CSMD1: variants seen among roughly 807,000 people sequenced by gnomAD.
The protein encoded by CSMD1 is CUB and Sushi multiple domains 1.
Under a neutral mutation model 417.5 loss-of-function variants are expected in CSMD1, and 213 were observed. The observed-to-expected ratio is 0.51, with a 90% CI of 0.46 to 0.57. CSMD1 has a LOEUF of 0.57. Ranked by LOEUF, CSMD1 falls within the 20% of genes least tolerant of loss-of-function variation. The pLI, the probability that CSMD1 is intolerant of heterozygous loss-of-function variation, is 0.00. For missense variants in CSMD1, 6,923 were observed against 4,529.7 expected, an observed-to-expected ratio of 1.53 and a Z score of -15.17; for synonymous variants, 2,862 against 1,736.8, an observed-to-expected ratio of 1.65 and a Z score of -16.11.
chr8:3,638,886 G>C (rs974761209), intron 7 of CSMD1, among the ~76,000 whole-genome samples: 3 of 152,262 alleles, frequency 2.0e-5, no homozygotes, highest in African/African-American at 7.2e-5. Flanking sequence ...AAATGGGGTA[G>C]GGAAAAGTGA....
At chr8:2,950,198 G>C (rs1184109190) in intron 67 of CSMD1, 33 bp downstream of exon 67, 1 of 1,350,636 alleles carries the variant, frequency 7.4e-7, no homozygotes, top group African/African-American at 1.4e-5. Flanking sequence ...TAGAAAGCCT[G>C]TGCTTTGTCA....
intron 1 of CSMD1, among the ~76,000 whole-genome samples, chr8:4,803,992 G>A (rs1050905487): frequency 6.6e-6 from 1 of 152,206 alleles, no homozygotes; most frequent in Non-Finnish European, 1.5e-5. Flanking sequence ...GACGGCAGGA[G>A]CCACAACTCT....
intron 51 of CSMD1, among the ~76,000 whole-genome samples, chr8:3,026,755 C>T (rs890624364): frequency 3.3e-5 from 5 of 152,226 alleles, no homozygotes; most frequent in Non-Finnish European, 5.9e-5. Flanking sequence ...GCCCTTAGCA[C>T]GTGGTGACTA....
rs886780403 is a variant in CSMD1, at chr8:4,081,107, C to G, written c.416-49008G>C. ...CTTTGGAAGCAGAGAGATTGGACTGCTTCCAGACACCAAATCTGCTGAACT... is the reference window on the plus strand; with the variant it reads ...CTTTGGAAGCAGAGAGATTGGACTGGTTCCAGACACCAAATCTGCTGAACT... On this transcript the variant is annotated intron_variant, in intron 3 of 69. Transcript: ENST00000635120. Among the ~76,000 whole-genome samples the G allele has an allele frequency of 3.3e-5, 5 of 152,168 alleles. 1 individual carries two copies. The South Asian group carries it at 1.0e-3, about 32-fold the overall frequency.
intron 5 of CSMD1, among the ~76,000 whole-genome samples, chr8:3,807,749 G>C (rs1585028716): frequency 6.6e-6 from 1 of 152,016 alleles, no homozygotes; most frequent in Admixed American, 6.6e-5. Flanking sequence ...ATCATCTTTA[G>C]TCATCTATTT....
At chr8:3,564,458 T>G (rs1353352357) in intron 10 of CSMD1, among the ~76,000 whole-genome samples, 1 of 151,964 alleles carries the variant, frequency 6.6e-6, no homozygotes, top group East Asian at 1.9e-4. Flanking sequence ...TCTGTAACAC[T>G]TTACGTTGTA....
chr8:3,825,325 C>A (rs146523912), intron 5 of CSMD1, among the ~76,000 whole-genome samples: 16 of 152,186 alleles, frequency 1.1e-4, no homozygotes, highest in African/African-American at 3.4e-4. Context: ...ATGTCAGGAG[C>A]TCGAGACCAG....
chr8:4,363,978 G>C (rs915014278), intron 3 of CSMD1, among the ~76,000 whole-genome samples: 3 of 152,022 alleles, frequency 2.0e-5, no homozygotes, highest in Non-Finnish European at 4.4e-5. Context: ...CCTACTTTTT[G>C]CTAGCATAAC....
At chr8:4,787,505 T>C (rs1797467741) in intron 1 of CSMD1, 2 of 977,652 alleles carry the variant, frequency 2.0e-6, no homozygotes, top group South Asian at 1.4e-5. Context: ...CAGTTGTATT[T>C]TTCAGTTATT....
intron 4 of CSMD1, among the ~76,000 whole-genome samples, chr8:4,027,564 A>C (rs1047943834): frequency 1.3e-5 from 2 of 152,170 alleles, no homozygotes; most frequent in East Asian, 1.9e-4. Flanking sequence ...GCCTTCCATC[A>C]TAACTGCATG....
At chr8:4,719,711 G>C (rs1046098525) in intron 1 of CSMD1, among the ~76,000 whole-genome samples, 4 of 152,068 alleles carry the variant, frequency 2.6e-5, no homozygotes, top group East Asian at 1.9e-4. Flanking sequence ...TTCAGTAAAA[G>C]CTACCCAGTT....
At chr8:3,917,715 T>C (rs1449716936) in intron 5 of CSMD1, among the ~76,000 whole-genome samples, 1 of 152,118 alleles carries the variant, frequency 6.6e-6, no homozygotes, top group Non-Finnish European at 1.5e-5. Context: ...GATACGTATA[T>C]ATCCAAGAAA....
intron 2 of CSMD1, among the ~76,000 whole-genome samples, chr8:4,454,397 G>C (rs542809299): frequency 1.3e-5 from 2 of 152,030 alleles, no homozygotes; most frequent in African/African-American, 2.4e-5. Context: ...TTTGGCTCTG[G>C]TATACCTCTA....
intron 5 of CSMD1, among the ~76,000 whole-genome samples, chr8:3,974,616 A>C (rs1489720242): frequency 6.6e-6 from 1 of 152,068 alleles, no homozygotes; most frequent in African/African-American, 2.4e-5. Flanking sequence ...TTTACTAAAC[A>C]TTCAGTAATT....
intron 5 of CSMD1, among the ~76,000 whole-genome samples, chr8:3,881,584 G>A (rs1301257527): frequency 6.8e-6 from 1 of 147,780 alleles, no homozygotes; most frequent in East Asian, 2.0e-4. Context: ...CAGCCTGCCT[G>A]GGTGACAGAG....
At chr8:3,841,867 C>T (rs1803159183) in intron 5 of CSMD1, among the ~76,000 whole-genome samples, 1 of 151,868 alleles carries the variant, frequency 6.6e-6, no homozygotes, top group Non-Finnish European at 1.5e-5. Flanking sequence ...AGGGTCCTGG[C>T]CCTTGGGTTG....
chr8:4,962,196 TTA>T (rs1491562216), intron 1 of CSMD1, among the ~76,000 whole-genome samples: 3,882 of 143,236 alleles, frequency 0.027, 152 homozygotes, highest in African/African-American at 0.096. Context: ...TGCTTTTTTT[TTA>T]AAAAAAAAAG....
Position 2,998,008 on chromosome 8 carries a change from T to C in CSMD1, c.8377+3A>G. 6.2e-7 allele frequency: 1 copy of C among 1,612,998 alleles called. No homozygotes were observed. Among genetic ancestry groups the C allele is most frequent in the Non-Finnish European group, 8.5e-7 (1 of 1,179,352 alleles). On this transcript the variant is annotated splice_donor_region_variant and intron_variant, in intron 54 of 69. Coordinates refer to ENST00000635120, the MANE Select transcript of CSMD1 (RefSeq NM_033225.6). ...AGGGCTCATTCCTGGATGCTGTTCC[T>C]ACCTCGACACGTGGGCAGAGGGCTA...
chr8:4,074,553 G>T (rs773987712), intron 3 of CSMD1, among the ~76,000 whole-genome samples: 2 of 152,012 alleles, frequency 1.3e-5, no homozygotes, highest in African/African-American at 4.8e-5. Context: ...AATATTCCCA[G>T]TGGAAGTTAA....
Sources: allele counts gnomAD v4.1 joint callset (sites outside exome capture counted in the v4.1 genomes callset), GRCh38; gene constraint gnomAD v4.1.1; transcripts MANE v1.5; gene names NCBI Gene and HGNC (gene_info 2026-07-23, HGNC 2026-07-21).